The following CSMD1 variants were observed in gnomAD, a reference collection of about 807,000 sequenced individuals.
CSMD1 encodes the protein CUB and Sushi multiple domains 1.
Under a neutral mutation model 417.5 loss-of-function variants are expected in CSMD1, and 213 were observed. That is an observed-to-expected ratio of 0.51 (90% CI 0.46 to 0.57). The LOEUF (loss-of-function observed/expected upper bound fraction) is 0.57. Ranked by LOEUF, CSMD1 falls within the 20% of genes least tolerant of loss-of-function variation. The pLI, the probability that CSMD1 is intolerant of heterozygous loss-of-function variation, is 0.00. For missense variants in CSMD1, 6,923 were observed against 4,529.7 expected (o/e 1.53, Z -15.17); for synonymous variants, 2,862 against 1,736.8 (o/e 1.65, Z -16.11).
chr8:3,973,861 A>C (rs7835694), intron 5 of CSMD1, among the ~76,000 whole-genome samples: 1 of 151,964 alleles, frequency 6.6e-6, no homozygotes, highest in Admixed American at 6.6e-5. Context: ...TTAAGTGTTT[A>C]TGGGTAACTA....
At chr8:3,921,045 T>C (rs936160940) in intron 5 of CSMD1, among the ~76,000 whole-genome samples, 8 of 152,126 alleles carry the variant, frequency 5.3e-5, no homozygotes, top group African/African-American at 1.7e-4. Flanking sequence ...AAAGCGTTGG[T>C]TTAGTGTTTC....
chr8:4,849,697 G>A (rs138667265), intron 1 of CSMD1, among the ~76,000 whole-genome samples: 4 of 152,288 alleles, frequency 2.6e-5, no homozygotes, highest in South Asian at 4.1e-4. Context: ...ATGCTGTACA[G>A]ATTTGAAGCT....
chr8:3,004,713 G>C (rs1481615162), intron 52 of CSMD1, among the ~76,000 whole-genome samples: 6 of 152,188 alleles, frequency 3.9e-5, no homozygotes, highest in African/African-American at 1.4e-4. Flanking sequence ...GCTGAGAACA[G>C]GTATGACTGT....
At chr8:4,496,489 G>A (rs1428559982) in intron 2 of CSMD1, among the ~76,000 whole-genome samples, 2 of 152,192 alleles carry the variant, frequency 1.3e-5, no homozygotes, top group East Asian at 1.9e-4. Flanking sequence ...TCCGTTTGCG[G>A]AACTTGTAAG....
intron 7 of CSMD1, among the ~76,000 whole-genome samples, chr8:3,636,299 G>T (rs1007854386): frequency 6.6e-6 from 1 of 152,140 alleles, no homozygotes; most frequent in South Asian, 2.1e-4. Context: ...GCCTGAGGCT[G>T]TTGTACAGGC....
intron 10 of CSMD1, among the ~76,000 whole-genome samples, chr8:3,535,049 G>C (rs1419220462): frequency 6.6e-6 from 1 of 152,176 alleles, no homozygotes; most frequent in Non-Finnish European, 1.5e-5. Flanking sequence ...CTGGGCTTAA[G>C]CCAGTCTCCT....
chr8:3,734,412 T>G (rs941581658), intron 6 of CSMD1, among the ~76,000 whole-genome samples: 1 of 152,176 alleles, frequency 6.6e-6, no homozygotes, highest in Non-Finnish European at 1.5e-5. Context: ...ACTGCTCAAT[T>G]TAAAATACAG....
chr8:3,184,739 C>G (rs1821638549), intron 36 of CSMD1, among the ~76,000 whole-genome samples: 1 of 152,178 alleles, frequency 6.6e-6, no homozygotes. Flanking sequence ...TAATCTTTAC[C>G]ATGGCTGGGA....
At chr8:4,271,534 C>G (rs912283227) in intron 3 of CSMD1, among the ~76,000 whole-genome samples, 6 of 149,536 alleles carry the variant, frequency 4.0e-5, no homozygotes, top group African/African-American at 1.5e-4. Context: ...ACACCACCAA[C>G]AAAATACCAC....
intron 10 of CSMD1, among the ~76,000 whole-genome samples, chr8:3,501,986 G>C (rs777398964): frequency 1.3e-5 from 2 of 152,058 alleles, no homozygotes; most frequent in Non-Finnish European, 2.9e-5. Context: ...ATGCAAAATG[G>C]TACAGTCACT....
chr8:3,179,150 T>A (rs1341641714), intron 37 of CSMD1, among the ~76,000 whole-genome samples: 1 of 151,350 alleles, frequency 6.6e-6, no homozygotes, highest in Non-Finnish European at 1.5e-5. Flanking sequence ...TTTCAACGTG[T>A]TAGCCAGGAC....
intron 12 of CSMD1, among the ~76,000 whole-genome samples, chr8:3,432,819 G>C (rs565238547): frequency 1.3e-5 from 2 of 152,164 alleles, no homozygotes; most frequent in South Asian, 4.1e-4. Flanking sequence ...TGGCCAACAT[G>C]GGCTTATTTT....
At chr8:3,827,650 A>T (rs17327926) in intron 5 of CSMD1, among the ~76,000 whole-genome samples, 54,040 of 152,058 alleles carry the variant, frequency 0.36, 9,849 homozygotes, top group Non-Finnish European at 0.38. Context: ...CTTCGAATAA[A>T]ACATGATTTT....
intron 23 of CSMD1, among the ~76,000 whole-genome samples, chr8:3,316,686 G>T (rs1805788193): frequency 6.6e-6 from 1 of 152,090 alleles, no homozygotes; most frequent in African/African-American, 2.4e-5. Context: ...TTAAACGTGT[G>T]GCGGTTGTGA....
At chr8:4,425,992 G>A (rs1332927178) in intron 2 of CSMD1, among the ~76,000 whole-genome samples, 1 of 151,564 alleles carries the variant, frequency 6.6e-6, no homozygotes, top group Non-Finnish European at 1.5e-5. Flanking sequence ...AATTAAAGAG[G>A]TATACATTAA....
intron 3 of CSMD1, among the ~76,000 whole-genome samples, chr8:4,153,007 G>C (rs1036688182): frequency 3.9e-5 from 6 of 152,180 alleles, no homozygotes; most frequent in African/African-American, 7.2e-5. Flanking sequence ...CTCGTAGCAA[G>C]TGCATACCAT....
At chr8:4,602,497 G>C (rs1203036856) in intron 2 of CSMD1, among the ~76,000 whole-genome samples, 1 of 152,070 alleles carries the variant, frequency 6.6e-6, no homozygotes, top group Non-Finnish European at 1.5e-5. Flanking sequence ...CACATCTCAG[G>C]TACGCATACA....
chr8:3,383,212 A>T (rs924518852), intron 18 of CSMD1, among the ~76,000 whole-genome samples: 1 of 152,240 alleles, frequency 6.6e-6, no homozygotes, highest in Admixed American at 6.5e-5. Context: ...GCTTTCATAG[A>T]TGTTCATATG....
At chr8:4,974,145 T>C (rs1810408279) in intron 1 of CSMD1, among the ~76,000 whole-genome samples, 2 of 151,900 alleles carry the variant, frequency 1.3e-5, no homozygotes, top group Non-Finnish European at 2.9e-5. Flanking sequence ...GCCTCCCGAG[T>C]AGCTGAGATT....
Sources: gnomAD v4.1 joint callset for allele counts (sites outside exome capture counted in the v4.1 genomes callset) on GRCh38, gnomAD v4.1.1 for gene constraint, MANE v1.5 for transcripts, NCBI Gene and HGNC (gene_info 2026-07-23, HGNC 2026-07-21) for gene names.